Variants in KNL1 observed in about 807,000 individuals in gnomAD.
KNL1 encodes the protein kinetochore scaffold 1, also known as outer kinetochore KNL1 complex subunit KNL1.
KNL1 carries 66 observed loss-of-function variants against 201.3 expected under a neutral mutation model. The ratio of observed to expected loss-of-function variants is 0.33; its 90% CI spans 0.27 to 0.40. The LOEUF (loss-of-function observed/expected upper bound fraction) is 0.40, where lower values mean the gene tolerates loss of function less well. Among genes scored for constraint, KNL1 ranks in the 10% least tolerant of loss-of-function variants. The pLI is 1.00. For missense variants in KNL1, 2,815 were observed against 2,690.5 expected (o/e 1.05, Z -1.02); for synonymous variants, 895 against 899.2 (o/e 1.00, Z 0.08).
chr15:40,596,480 G>A (rs1465226865), intron 1 of KNL1, among the ~76,000 whole-genome samples: 8 of 151,908 alleles, frequency 5.3e-5, no homozygotes, highest in Non-Finnish European at 1.2e-4. Context: ...GTTTCACCAC[G>A]TTGGCCAGGC....
intron 2 of KNL1, among the ~76,000 whole-genome samples, chr15:40,604,495 G>A (rs1891911276): frequency 6.6e-6 from 1 of 152,096 alleles, no homozygotes; most frequent in African/African-American, 2.4e-5. Flanking sequence ...TATAGACATG[G>A]GCCACTGTGG....
chr15:40,657,702 A>C (rs1893775027), intron 24 of KNL1, among the ~76,000 whole-genome samples: 1 of 152,148 alleles, frequency 6.6e-6, no homozygotes, highest in Non-Finnish European at 1.5e-5. Flanking sequence ...TCATGTTGAC[A>C]TGGTGTCTTT....
intron 22 of KNL1, among the ~76,000 whole-genome samples, chr15:40,656,336 G>A (rs539212617): frequency 1.3e-5 from 2 of 152,180 alleles, no homozygotes; most frequent in African/African-American, 4.8e-5. Flanking sequence ...GGGAGGCTGA[G>A]GCAGGAGAAT....
At chr15:40,650,463 T>G (rs1407627880) in intron 18 of KNL1, 81 bp from the exon 19 acceptor site, 1 of 1,565,472 alleles carries the variant, frequency 6.4e-7, no homozygotes, top group African/African-American at 1.4e-5. Context: ...TGAGATTAAG[T>G]CAGAATTTTC....
chr15:40,628,588 A>G, intron 11 of KNL1, 23 bp from the exon 12 acceptor site: 1 of 1,520,580 alleles, frequency 6.6e-7, no homozygotes, highest in Non-Finnish European at 9.0e-7. Context: ...CTTGTTCGTC[A>G]CCAGAATTTG....
rs1595923494 is a variant in KNL1 at position 40,620,684 on chromosome 15, CCAGA to C, written c.424_427del (p.Thr142SerfsTer11). 1.9e-6 allele frequency: 3 copies of C among 1,600,348 alleles called. No individual in the cohort carries two copies. Among genetic ancestry groups the C allele is most frequent in the East Asian group, 2.2e-5 (1 of 44,760 alleles). On this transcript the variant is annotated frameshift_variant, in exon 10 of 26. Transcript: ENST00000399668. LOFTEE classifies it high-confidence loss of function. ...CCCGTGAAAGGAAACATGCAAATGA[CCAGA>C]CAGTCATTTTTTCAGATGAAAACCA...
At chr15:40,645,908 G>T (rs1893370444) in intron 16 of KNL1, 136 bp downstream of exon 16, 1 of 473,596 alleles carries the variant, frequency 2.1e-6, no homozygotes, top group East Asian at 3.5e-5. Context: ...AAGAGGTAAG[G>T]TTCAATTTGT....
In KNL1 at chr15:40,597,404, G is replaced by A. The variant is rs889444234; in HGVS notation, c.-18+3012G>A. Among the ~76,000 whole-genome samples, 3 of 152,084 alleles carry A rather than the reference G, an allele frequency of 2.0e-5. No individual in the cohort carries two copies. The East Asian group carries it at 5.8e-4, about 29-fold the overall frequency. ...CAAGTACCTGGGATTACAGGAACAC[G>A]CTTCCATGCCTAGCTAATTTTTTTG... On this transcript the variant is annotated intron_variant, in intron 1 of 25. Coordinates refer to ENST00000399668, the MANE Select transcript of KNL1 (RefSeq NM_144508.5).
At position 40,602,895 on chromosome 15, in the gene KNL1, A is replaced by G; in HGVS notation, c.-17-20A>G. 7.4e-7 allele frequency: 1 copy of G among 1,353,680 alleles called. No homozygotes were observed. The allele number at this position is 1,353,680 out of a possible 1,614,324, so 83.9% of individuals were successfully genotyped here. A position where few individuals can be genotyped will look rare whatever the true frequency, so the allele number is the denominator to read the frequency against. On this transcript the variant is annotated intron_variant, in intron 1 of 25. Coordinates refer to ENST00000399668, the MANE Select transcript of KNL1 (RefSeq NM_144508.5). ...TCTTCCTTTTTCCTCATGTTTTCTA[A>G]TATTGTATATTTGTTACAGAAAAGT...
chr15:40,647,290 C>G (rs1258035613), intron 17 of KNL1, among the ~76,000 whole-genome samples: 2 of 151,994 alleles, frequency 1.3e-5, no homozygotes, highest in Non-Finnish European at 2.9e-5. Flanking sequence ...GCCTGGCCAA[C>G]ATGGTGAAAC....
At chr15:40,629,246 C>A in intron 12 of KNL1, 27 bp from the exon 13 acceptor site, 1 of 1,347,642 alleles carries the variant, frequency 7.4e-7, no homozygotes, top group South Asian at 1.3e-5. Context: ...ATTGAATGGT[C>A]ATGCAAACTT....
intron 2 of KNL1, among the ~76,000 whole-genome samples, chr15:40,604,678 T>C (rs1024908365): frequency 6.6e-6 from 1 of 152,204 alleles, no homozygotes; most frequent in Non-Finnish European, 1.5e-5. Flanking sequence ...TGACTGACCT[T>C]TAGGTGAGAG....
intron 3 of KNL1, among the ~76,000 whole-genome samples, chr15:40,605,714 C>T (rs112307757): frequency 3.3e-5 from 5 of 152,072 alleles, no homozygotes; most frequent in Non-Finnish European, 7.4e-5. Flanking sequence ...CCTCCCAAAG[C>T]GCTGAGATTA....
chr15:40,633,984 A>C (rs1398315930), intron 13 of KNL1, among the ~76,000 whole-genome samples: 3 of 152,256 alleles, frequency 2.0e-5, no homozygotes, highest in Admixed American at 2.0e-4. Context: ...TTATTTCTCA[A>C]GACCTTCCAG....
rs1217876317 is a variant in KNL1 at position 40,648,891 on chromosome 15, A to G, written c.6095-1410A>G. Among the ~76,000 whole-genome samples, 3 of 143,640 alleles carry G rather than the reference A, an allele frequency of 2.1e-5. No individual in the cohort carries two copies. In the East Asian group the frequency reaches 6.1e-4, roughly 29 times the overall value. The allele number at this position is 143,640 out of a possible 152,430, so 94.2% of individuals were successfully genotyped here. A position where few individuals can be genotyped will look rare whatever the true frequency, so the allele number is the denominator to read the frequency against. ...CGTTACCCAGGCTGGAGTCAATGGC[A>G]CAATCTCTGCTCACTGCAACCTCCG... On this transcript the variant is annotated intron_variant, in intron 17 of 25. Coordinates refer to ENST00000399668, the MANE Select transcript of KNL1 (RefSeq NM_144508.5).
At chr15:40,609,398 G>C (rs1260330744) in intron 5 of KNL1, among the ~76,000 whole-genome samples, 1 of 152,176 alleles carries the variant, frequency 6.6e-6, no homozygotes, top group African/African-American at 2.4e-5. Flanking sequence ...CTGGGCAACA[G>C]AGTGAGACCC....
chr15:40,625,023 C>T lies in KNL1; in HGVS notation c.4759C>T (p.Leu1587Phe), dbSNP rs1892693797. 6.2e-7 allele frequency: 1 copy of T among 1,613,760 alleles called. No individual in the cohort carries two copies. Among genetic ancestry groups the T allele is most frequent in the Non-Finnish European group, 8.5e-7 (1 of 1,179,914 alleles). The change falls in exon 10 of 26, where the codon CTT becomes TTT. Residue 1587 changes from leucine to phenylalanine, a missense_variant. Around this residue, in one of 3 missense-constraint regions of KNL1, gnomAD observed 2,464 missense variants for 2,291.7 expected, o/e 1.08. Coordinates refer to ENST00000399668, the MANE Select transcript of KNL1 (RefSeq NM_144508.5). Reference protein sequence around the residue: ...VHLPPLPEQLLELGNKAHNDM... With the variant: ...VHLPPLPEQLFELGNKAHNDM... Reference sequence around the variant, plus strand: ...TCTACCACCCCTTCCAGAGCAATTACTTGAATTAGGAAATAAGGCACACAA... The same window carrying T: ...TCTACCACCCCTTCCAGAGCAATTATTTGAATTAGGAAATAAGGCACACAA...
At chr15:40,629,198 T>C in intron 12 of KNL1, 75 bp from the exon 13 acceptor site, 1 of 800,018 alleles carries the variant, frequency 1.2e-6, no homozygotes. Flanking sequence ...CTTAAGCTTT[T>C]AGAAACAAAT....
At chr15:40,604,309 T>C (rs138851182) in intron 2 of KNL1, among the ~76,000 whole-genome samples, 2 of 152,226 alleles carry the variant, frequency 1.3e-5, no homozygotes, top group Non-Finnish European at 2.9e-5. Context: ...TTGTCTAAAA[T>C]TGACATCACA....
Sources: gnomAD v4.1 joint callset for allele counts (sites outside exome capture counted in the v4.1 genomes callset) on GRCh38, gnomAD v4.1.1 for gene constraint, gnomAD v4.1.1 regional missense constraint, MANE v1.5 for transcripts, NCBI Gene and HGNC (gene_info 2026-07-23, HGNC 2026-07-21) for gene names.